DNAH3: variants seen among roughly 807,000 people sequenced by gnomAD.
DNAH3 encodes the protein dynein axonemal heavy chain 3, also known as axonemal beta dynein heavy chain 3.
Under a neutral mutation model 432.5 loss-of-function variants are expected in DNAH3, and 332 were observed. That is an observed-to-expected ratio of 0.77 (90% CI 0.70 to 0.84). The LOEUF (loss-of-function observed/expected upper bound fraction) is 0.84. Ranked by LOEUF, DNAH3 falls within the 40% of genes least tolerant of loss-of-function variation. The pLI is 0.00. For missense variants in DNAH3, 4,861 were observed against 5,114.0 expected (o/e 0.95, Z 1.51); for synonymous variants, 1,956 against 1,900.2 (o/e 1.03, Z -0.76).
At chr16:21,078,430 C>A (rs963122506) in intron 20 of DNAH3, among the ~76,000 whole-genome samples, 1 of 152,132 alleles carries the variant, frequency 6.6e-6, no homozygotes, top group African/African-American at 2.4e-5. Context: ...CTGATCAGGA[C>A]CTCAGCAGCG....
intron 53 of DNAH3, among the ~76,000 whole-genome samples, chr16:20,960,228 T>C (rs1049798288): frequency 2.0e-5 from 3 of 152,228 alleles, no homozygotes; most frequent in Admixed American, 6.5e-5. Context: ...GGATACATAG[T>C]ATATCACCAT....
chr16:21,078,715 A>T (rs2091067639), intron 20 of DNAH3, among the ~76,000 whole-genome samples: 1 of 152,250 alleles, frequency 6.6e-6, no homozygotes, highest in Non-Finnish European at 1.5e-5. Context: ...CTTAGAATGC[A>T]AATGATTGAA....
At chr16:21,027,449 T>C (rs1258575734) in intron 37 of DNAH3, among the ~76,000 whole-genome samples, 1 of 152,220 alleles carries the variant, frequency 6.6e-6, no homozygotes, top group Admixed American at 6.5e-5. Flanking sequence ...TATCTACACA[T>C]ACATATACTA....
intron 40 of DNAH3, among the ~76,000 whole-genome samples, chr16:21,020,348 G>GTGTGTGTATGTATATATATATATATATA: frequency 2.9e-5 from 2 of 69,178 alleles, no homozygotes; most frequent in African/African-American, 1.3e-4. Context: ...TATAGTGTGT[G>GTGTGTGTATGTATATATATATATATATA]TATATATATA....
intron 29 of DNAH3, among the ~76,000 whole-genome samples, chr16:21,051,138 C>T (rs760202166): frequency 7.9e-5 from 12 of 152,200 alleles, no homozygotes; most frequent in Non-Finnish European, 1.8e-4. Context: ...ATCTAAAAAA[C>T]TCTCACTGTA....
chr16:20,964,816 T>C, exon 53 of DNAH3: 1 of 1,614,172 alleles, frequency 6.2e-7, no homozygotes, highest in Non-Finnish European at 8.5e-7. Flanking sequence ...AGCCAACCAC[T>C]GATTTTGGCA....
rs1210100174 is a variant in DNAH3, at chr16:21,136,339, G to C, written c.871C>G (p.Leu291Val). ...CCAGCCTTACCGATGCTTTTCATGA[G>C]GCTACAGTAATAGTCATTCTCCTTC... Residue 291 changes from leucine (L) to valine (V), a missense_variant, in exon 6 of 62, where the codon CTC (leucine) becomes GTC (valine). Coordinates refer to ENST00000261383, the Ensembl canonical transcript of DNAH3. The C allele has an allele frequency of 1.3e-5, 21 of 1,613,734 alleles. No homozygotes were observed. The highest frequency in any genetic ancestry group is 6.7e-5 in the African/African-American group (5 of 74,886).
intron 55 of DNAH3, among the ~76,000 whole-genome samples, chr16:20,953,397 G>T (rs907478514): frequency 6.6e-6 from 1 of 152,090 alleles, no homozygotes; most frequent in Non-Finnish European, 1.5e-5. Flanking sequence ...GATCGCAAGT[G>T]ATCCGCCTGC....
exon 58 of DNAH3, chr16:20,944,577 G>C: frequency 8.1e-6 from 13 of 1,614,148 alleles, no homozygotes; most frequent in Non-Finnish European, 1.1e-5. Flanking sequence ...TTTCCTGGTT[G>C]TCTTTGGTGA....
intron 14 of DNAH3, among the ~76,000 whole-genome samples, chr16:21,109,109 C>T (rs1488199206): frequency 5.0e-5 from 7 of 138,710 alleles, no homozygotes; most frequent in East Asian, 2.1e-4. Flanking sequence ...AACAACAGAG[C>T]GAGACTCTGT....
intron 20 of DNAH3, among the ~76,000 whole-genome samples, chr16:21,079,843 T>C (rs1467966304): frequency 6.6e-6 from 1 of 151,988 alleles, no homozygotes; most frequent in Non-Finnish European, 1.5e-5. Flanking sequence ...AGGAACATAG[T>C]GGTGGTATTG....
At chr16:20,965,966 G>T (rs952159073) in intron 52 of DNAH3, among the ~76,000 whole-genome samples, 11 of 143,280 alleles carry the variant, frequency 7.7e-5, no homozygotes, top group Non-Finnish European at 1.2e-4. Flanking sequence ...GCCTACCTCG[G>T]CCTCCCAAAT....
At chr16:20,961,807 G>A (rs2084837446) in intron 53 of DNAH3, among the ~76,000 whole-genome samples, 1 of 138,812 alleles carries the variant, frequency 7.2e-6, no homozygotes, top group Non-Finnish European at 1.5e-5. Context: ...TTGTTGCCCA[G>A]GCTGGAGTGC....
intron 3 of DNAH3, among the ~76,000 whole-genome samples, chr16:21,143,402 G>A (rs1043175263): frequency 6.6e-6 from 1 of 152,160 alleles, no homozygotes; most frequent in African/African-American, 2.4e-5. Flanking sequence ...CATGCAGCAA[G>A]AAGATAGAGA....
chr16:21,067,923 T>TC (rs2090631156), intron 23 of DNAH3, among the ~76,000 whole-genome samples: 1 of 152,072 alleles, frequency 6.6e-6, no homozygotes, highest in African/African-American at 2.4e-5. Context: ...CTATTTGGCC[T>TC]TGGGTTCCAT....
chr16:20,980,297 CAT>C (rs1345978562), intron 49 of DNAH3, among the ~76,000 whole-genome samples: 1 of 135,330 alleles, frequency 7.4e-6, no homozygotes, highest in Admixed American at 7.9e-5. Context: ...TAATATACAT[CAT>C]ATATTATATT....
intron 38 of DNAH3, among the ~76,000 whole-genome samples, chr16:21,025,136 G>C (rs1232904183): frequency 6.6e-6 from 1 of 151,902 alleles, no homozygotes; most frequent in Non-Finnish European, 1.5e-5. Flanking sequence ...CTTTAGTAGA[G>C]ACAGGGTTGG....
At position 20,948,476 on chromosome 16, in the gene DNAH3, C is replaced by T. The variant is rs767202371; in HGVS notation, c.11343+7G>A. Reference sequence around the variant, plus strand: ...GAAAGAGGTAGGCCTCCCTGCCCACCCCTTACCTGGTAGGAGCCATGAGGA... The same window carrying T: ...GAAAGAGGTAGGCCTCCCTGCCCACTCCTTACCTGGTAGGAGCCATGAGGA... On this transcript the variant is annotated splice_region_variant and intron_variant, in intron 57 of 61. Transcript: ENST00000261383. 6.2e-7 allele frequency: 1 copy of T among 1,612,610 alleles called. No individual in the cohort carries two copies. The highest frequency in any genetic ancestry group is 8.5e-7 in the Non-Finnish European group (1 of 1,179,476).
In DNAH3 at chr16:21,148,872, T is replaced by C. The variant is rs74012117; in HGVS notation, c.118-2784A>G. On this transcript the variant is annotated intron_variant, in intron 1 of 61. Transcript: ENST00000261383. The stretch of plus-strand genomic sequence containing the variant: ...GCAATAAATGGCTAAGAATCCTCTG[T>C]GGCACCTTCAAGAGATCGAGATTCT... Among the ~76,000 whole-genome samples the C allele has an allele frequency of 1.4e-3, 213 of 152,304 alleles. 1 individual carries two copies. The highest frequency in any genetic ancestry group is 4.8e-3 in the African/African-American group (200 of 41,582).
Sources: allele counts gnomAD v4.1 joint callset (sites outside exome capture counted in the v4.1 genomes callset), GRCh38; gene constraint gnomAD v4.1.1; transcripts MANE v1.5; gene names NCBI Gene and HGNC (gene_info 2026-07-23, HGNC 2026-07-21).